The following PCDH9 variants were observed in gnomAD, a reference collection of about 807,000 sequenced individuals.
PCDH9 encodes the protein protocadherin 9.
In PCDH9, 24 loss-of-function variants were observed where a neutral mutation model predicts 70.6. The ratio of observed to expected loss-of-function variants is 0.34; its 90% confidence interval spans 0.25 to 0.48. PCDH9 has a LOEUF of 0.48. Ranked by LOEUF, PCDH9 falls within the 20% of genes least tolerant of loss-of-function variation. The probability of loss-of-function intolerance (pLI) is 0.99; values close to 1 mark genes in which losing one functional copy is unlikely to be tolerated. For missense variants in PCDH9, 1,281 were observed against 1,503.6 expected (o/e 0.85, Z 2.45); for synonymous variants, 562 against 558.5 (o/e 1.01, Z -0.09).
At chr13:66,631,676 G>C (rs2077573412) in intron 3 of PCDH9, among the ~76,000 whole-genome samples, 1 of 151,514 alleles carries the variant, frequency 6.6e-6, no homozygotes, top group African/African-American at 2.4e-5. Flanking sequence ...TAACAAGAAA[G>C]GCAAAACAAA....
chr13:66,992,915 AAAG>A (rs1341610781), intron 2 of PCDH9, among the ~76,000 whole-genome samples: 1 of 152,120 alleles, frequency 6.6e-6, no homozygotes, highest in East Asian at 1.9e-4. Context: ...AAAAAAAAAA[AAAG>A]ATCCTGAATG....
intron 3 of PCDH9, among the ~76,000 whole-genome samples, chr13:66,872,132 T>C (rs1463207188): frequency 1.3e-5 from 2 of 152,152 alleles, no homozygotes; most frequent in Admixed American, 6.6e-5. Context: ...ATTATGAAAG[T>C]ATATGCCAAA....
chr13:67,110,569 G>T (rs1404394862), intron 2 of PCDH9, among the ~76,000 whole-genome samples: 1 of 150,804 alleles, frequency 6.6e-6, no homozygotes, highest in East Asian at 1.9e-4. Context: ...CTACATAAGG[G>T]ATCTGTGTGA....
At chr13:66,576,625 A>G (rs1488987639) in intron 4 of PCDH9, among the ~76,000 whole-genome samples, 1 of 152,090 alleles carries the variant, frequency 6.6e-6, no homozygotes, top group Admixed American at 6.6e-5. Context: ...ACGTATTGAC[A>G]AGCTAAACTG....
At chr13:66,969,326 T>C (rs1230546250) in intron 2 of PCDH9, among the ~76,000 whole-genome samples, 2 of 152,000 alleles carry the variant, frequency 1.3e-5, no homozygotes, top group Non-Finnish European at 2.9e-5. Context: ...AAAAAGTGAA[T>C]GTTATATGTG....
intron 4 of PCDH9, among the ~76,000 whole-genome samples, chr13:66,429,771 G>A (rs1054576164): frequency 2.6e-5 from 4 of 151,998 alleles, no homozygotes; most frequent in African/African-American, 9.7e-5. Context: ...GAGGTCAACT[G>A]GTTTGAATCA....
At chr13:66,390,043 A>G (rs1004247014) in intron 4 of PCDH9, among the ~76,000 whole-genome samples, 3 of 152,308 alleles carry the variant, frequency 2.0e-5, no homozygotes, top group Middle Eastern at 3.4e-3. Context: ...CTGAACAGAG[A>G]TATCTTCAAG....
At chr13:66,786,102 A>AGAAC (rs1168350028) in intron 3 of PCDH9, among the ~76,000 whole-genome samples, 1 of 152,178 alleles carries the variant, frequency 6.6e-6, no homozygotes, top group Non-Finnish European at 1.5e-5. Context: ...TAGCCTAATC[A>AGAAC]ATGTTCCCCT....
chr13:67,137,449 C>T (rs768054801), intron 2 of PCDH9, among the ~76,000 whole-genome samples: 36 of 152,114 alleles, frequency 2.4e-4, no homozygotes, highest in Non-Finnish European at 5.1e-4. Context: ...GGGTGATCCT[C>T]GTGCCTCCAT....
Position 67,227,320 on chromosome 13 carries a change from G to A in PCDH9, c.1121C>T (p.Ser374Phe). Residue 374 changes from serine (S) to phenylalanine (F), a missense_variant, in exon 2 of 5, where the codon TCT becomes TTT. By Grantham distance (155) the Ser-to-Phe change is radical. Transcript: ENST00000377865. This position sits in a 1 kb window ranked among gnomAD's most constrained non-coding sequence, Gnocchi z 4.6. ...ISPINGTVYL[S>F]EKDPVNTKIA... Reference sequence around the variant, plus strand: ...CTTTGTATTGACAGGATCTTTCTCAGATAAATACACGGTGCCATTGATGGG... The same window carrying A: ...CTTTGTATTGACAGGATCTTTCTCAAATAAATACACGGTGCCATTGATGGG... 1 of 1,613,868 alleles carries A rather than the reference G, an allele frequency of 6.2e-7. No individual in the cohort carries two copies. Among genetic ancestry groups the A allele is most frequent in the Non-Finnish European group, 8.5e-7 (1 of 1,179,784 alleles).
intron 3 of PCDH9, among the ~76,000 whole-genome samples, chr13:66,659,046 T>C (rs924540115): frequency 6.6e-6 from 1 of 151,814 alleles, no homozygotes; most frequent in Non-Finnish European, 1.5e-5. Flanking sequence ...ACTTTCTCCA[T>C]TGCAAAAAAC....
At position 66,849,513 on chromosome 13, in the gene PCDH9, TATATAGAGAGAG is replaced by T. The variant is rs1338834437; in HGVS notation, c.3138+53979_3138+53990del. On this transcript the variant is annotated intron_variant, in intron 3 of 4. Coordinates refer to ENST00000377865, the MANE Select transcript of PCDH9 (RefSeq NM_203487.3). ...ATATATATATATATATATATATATA[TATATAGAGAGAG>T]AGAGAGAGAGAGAGAGAGAGATTGC... Among the ~76,000 whole-genome samples the T allele has an allele frequency of 3.0e-4, 23 of 77,228 alleles. No homozygotes were observed. The South Asian group carries it at 0.012, about 42-fold the overall frequency. The allele number at this position is 77,228 out of a possible 152,430, so 50.7% of individuals were successfully genotyped here. A position where few individuals can be genotyped will look rare whatever the true frequency, so the allele number is the denominator to read the frequency against.
At chr13:67,069,233 C>T (rs9317635) in intron 2 of PCDH9, among the ~76,000 whole-genome samples, 55,347 of 151,828 alleles carry the variant, frequency 0.36, 10,948 homozygotes, top group East Asian at 0.59. Flanking sequence ...TATGCTTTTT[C>T]AAAAAGAGAA....
chr13:66,600,698 CTG>C (rs1431374491), intron 4 of PCDH9, among the ~76,000 whole-genome samples: 1 of 113,232 alleles, frequency 8.8e-6, no homozygotes, highest in Non-Finnish European at 2.2e-5. Flanking sequence ...CAGTTTATGG[CTG>C]AACTCTTTCT....
chr13:66,391,664 TA>T (rs1209044177), intron 4 of PCDH9, among the ~76,000 whole-genome samples: 3 of 152,024 alleles, frequency 2.0e-5, no homozygotes, highest in African/African-American at 7.2e-5. Flanking sequence ...CCTTCATAAA[TA>T]AATGAACAAC....
At chr13:66,397,328 A>T (rs1957116961) in intron 4 of PCDH9, among the ~76,000 whole-genome samples, 1 of 151,902 alleles carries the variant, frequency 6.6e-6, no homozygotes, top group African/African-American at 2.4e-5. Context: ...CTGAAGTGGG[A>T]GGATTGCTTA....
chr13:66,600,784 G>GTGTGTGTT lies in PCDH9; in HGVS notation c.3340+30425_3340+30426insAACACACA, dbSNP rs2077156814. Among the ~76,000 whole-genome samples the GTGTGTGTT allele has an allele frequency of 2.1e-5, 3 of 143,966 alleles. 1 individual carries two copies. Among genetic ancestry groups the GTGTGTGTT allele is most frequent in the Non-Finnish European group, 4.7e-5 (3 of 64,190 alleles). 94.4% of individuals were successfully genotyped at this position (143,966 alleles called of 152,430 possible). ...TAAGAACGTGTGTGTGTGTGTGTGT[G>GTGTGTGTT]TGTGTGTGTGTGTAAGGGAGTTAAT... On this transcript the variant is annotated intron_variant, in intron 4 of 4. Coordinates refer to ENST00000377865, the MANE Select transcript of PCDH9 (RefSeq NM_203487.3).
At chr13:66,750,950 T>C (rs569599045) in intron 3 of PCDH9, among the ~76,000 whole-genome samples, 1 of 152,298 alleles carries the variant, frequency 6.6e-6, no homozygotes, top group East Asian at 1.9e-4. Context: ...TACAGCACAT[T>C]AATGAAGTTG....
chr13:66,735,751 G>T (rs1312631259), intron 3 of PCDH9, among the ~76,000 whole-genome samples: 1 of 152,114 alleles, frequency 6.6e-6, no homozygotes, highest in South Asian at 2.1e-4. Context: ...ATCACCTGAG[G>T]TAAGGAGTTC....
Sources: allele counts gnomAD v4.1 joint callset (sites outside exome capture counted in the v4.1 genomes callset), GRCh38; gene constraint gnomAD v4.1.1; non-coding constraint Gnocchi (gnomAD v3.1); transcripts MANE v1.5; gene names NCBI Gene and HGNC (gene_info 2026-07-23, HGNC 2026-07-21).